FSTL4: variants seen among roughly 807,000 people sequenced by gnomAD.
FSTL4 encodes the protein follistatin like 4, also known as follistatin-related protein 4.
In FSTL4, 28 loss-of-function variants were observed where a neutral mutation model predicts 78.2. The ratio of observed to expected loss-of-function variants is 0.36; its 90% CI spans 0.27 to 0.49. The LOEUF is 0.49. Ranked by LOEUF, FSTL4 falls within the 20% of genes least tolerant of loss-of-function variation. The pLI is 0.98. For synonymous variants in FSTL4, 422 were observed against 440.5 expected, an observed-to-expected ratio of 0.96 and a Z score of 0.53; for missense variants, 922 against 1,084.9, an observed-to-expected ratio of 0.85 and a Z score of 2.11.
At position 133,440,511 on chromosome 5, in the gene FSTL4, A is replaced by C. The variant is rs1331392737; in HGVS notation, c.161-39525T>G. Among the ~76,000 whole-genome samples, 1 of 152,190 alleles carries C rather than the reference A, an allele frequency of 6.6e-6. No individual in the cohort carries two copies. Among genetic ancestry groups the C allele is most frequent in the Admixed American group, 6.5e-5 (1 of 15,280 alleles). On this transcript the variant is annotated intron_variant, in intron 3 of 15. Coordinates refer to ENST00000265342, the MANE Select transcript of FSTL4 (RefSeq NM_015082.2). This position sits in a 1 kb window ranked among gnomAD's most constrained non-coding sequence, Gnocchi z 4.1. ...AATGTCAGGCTTGAGCTGAGACTTT[A>C]AATTCAACTTCCTGGGAGAAGCAGT...
chr5:133,553,413 A>G (rs1205534325), intron 3 of FSTL4, among the ~76,000 whole-genome samples: 1 of 152,222 alleles, frequency 6.6e-6, no homozygotes, highest in Non-Finnish European at 1.5e-5. Flanking sequence ...GAGAGTCCTC[A>G]GGACAAGGGT....
At position 133,249,443 on chromosome 5, in the gene FSTL4, G is replaced by A. The variant is rs1428010598; in HGVS notation, c.861C>T (p.Leu287=). The A allele has an allele frequency of 1.9e-6, 3 of 1,614,044 alleles. No homozygotes were observed. The highest frequency in any genetic ancestry group is 2.2e-5 in the East Asian group (1 of 44,876). ...RPPIIWKRNG[L]TLNFLDLEDI... is the part of the protein sequence containing the mutation. Reference sequence around the variant, plus strand: ...CTTCCAAGTCCAGGAAGTTCAGGGTGAGCCCGTTGCGCTTCCAGATGATTG... The same window carrying A: ...CTTCCAAGTCCAGGAAGTTCAGGGTAAGCCCGTTGCGCTTCCAGATGATTG... The change falls in exon 7 of 16, where the codon CTC becomes CTT. Residue 287 remains leucine, a synonymous_variant. Coordinates refer to ENST00000265342, the MANE Select transcript of FSTL4 (RefSeq NM_015082.2).
At chr5:133,226,734 G>C (rs146611569) in intron 8 of FSTL4, among the ~76,000 whole-genome samples, 143 of 152,300 alleles carry the variant, frequency 9.4e-4, no homozygotes, top group African/African-American at 3.2e-3. Context: ...TCTTGAAGTG[G>C]ACAGCTACAT....
At chr5:133,390,585 T>C (rs1177029071) in intron 4 of FSTL4, among the ~76,000 whole-genome samples, 1 of 152,236 alleles carries the variant, frequency 6.6e-6, no homozygotes, top group Admixed American at 6.5e-5. Flanking sequence ...TTTCTGTAGT[T>C]CTGTCCCTCA....
the FSTL4 span, among the ~76,000 whole-genome samples, chr5:133,703,033 G>A: frequency 4.6e-5 from 7 of 152,206 alleles, no homozygotes; most frequent in Admixed American, 1.3e-4. Flanking sequence ...CAGGAGAGCC[G>A]TGTCACCTAC....
chr5:133,465,477 G>A (rs937707420), intron 3 of FSTL4, among the ~76,000 whole-genome samples: 1 of 152,152 alleles, frequency 6.6e-6, no homozygotes, highest in African/African-American at 2.4e-5. Context: ...CATATTCCAC[G>A]AAGCCCCAAG....
At chr5:133,220,905 G>T in intron 11 of FSTL4, 39 bp from the exon 12 acceptor site, 2 of 1,211,054 alleles carry the variant, frequency 1.7e-6, no homozygotes, top group South Asian at 1.2e-5. Flanking sequence ...CCTCCAAGCA[G>T]TCGGCCCCTG....
intron 2 of FSTL4, among the ~76,000 whole-genome samples, chr5:133,582,710 C>T (rs1004504143): frequency 1.3e-5 from 2 of 152,210 alleles, no homozygotes; most frequent in African/African-American, 4.8e-5. Flanking sequence ...GGCTCTTACC[C>T]ATGACTTTCT....
At chr5:133,240,907 C>G (rs1751849771) in intron 7 of FSTL4, among the ~76,000 whole-genome samples, 1 of 152,164 alleles carries the variant, frequency 6.6e-6, no homozygotes, top group African/African-American at 2.4e-5. Flanking sequence ...TCTCTAGGCT[C>G]TGGAATGTCA....
intron 3 of FSTL4, among the ~76,000 whole-genome samples, chr5:133,502,689 G>T (rs1015690034): frequency 1.3e-5 from 2 of 152,144 alleles, no homozygotes; most frequent in African/African-American, 4.8e-5. Context: ...TGTGAGACGT[G>T]CCTGCTTTTC....
At chr5:133,530,297 A>G (rs149037229) in intron 3 of FSTL4, among the ~76,000 whole-genome samples, 1 of 152,330 alleles carries the variant, frequency 6.6e-6, no homozygotes, top group African/African-American at 2.4e-5. Context: ...TAGCACCGTT[A>G]GGAGCCGCAG....
chr5:133,728,098 C>G, the FSTL4 span, among the ~76,000 whole-genome samples: 2 of 152,332 alleles, frequency 1.3e-5, no homozygotes, highest in East Asian at 3.9e-4. Context: ...AGATGGCATT[C>G]CAGCCTGTTT....
intron 7 of FSTL4, chr5:133,248,859 G>C (rs958481650): frequency 1.2e-5 from 2 of 160,532 alleles, no homozygotes. Context: ...GGCCTGACCT[G>C]GTTTCCCTCT....
intron 3 of FSTL4, among the ~76,000 whole-genome samples, chr5:133,457,353 T>C (rs919328658): frequency 3.3e-5 from 5 of 152,178 alleles, no homozygotes; most frequent in South Asian, 2.1e-4. Flanking sequence ...TGACATTTTA[T>C]AGATTTCAGC....
chr5:133,229,301 C>T (rs959355816), intron 8 of FSTL4, among the ~76,000 whole-genome samples: 7 of 152,046 alleles, frequency 4.6e-5, no homozygotes, highest in African/African-American at 1.7e-4. Context: ...GTGGGCGGAT[C>T]GCTCGAGTCC....
intron 3 of FSTL4, among the ~76,000 whole-genome samples, chr5:133,536,008 T>C (rs911162044): frequency 6.6e-6 from 1 of 152,182 alleles, no homozygotes; most frequent in Non-Finnish European, 1.5e-5. Flanking sequence ...TCTTTCGCTA[T>C]CACCAAGCAG....
At chr5:133,434,830 G>A (rs988629357) in intron 3 of FSTL4, among the ~76,000 whole-genome samples, 28 of 151,924 alleles carry the variant, frequency 1.8e-4, no homozygotes, top group African/African-American at 6.8e-4. Flanking sequence ...ATTGTTAACT[G>A]TTTTAATTTG....
At chr5:133,570,732 A>C (rs2112947411) in intron 2 of FSTL4, among the ~76,000 whole-genome samples, 1 of 152,338 alleles carries the variant, frequency 6.6e-6, no homozygotes, top group East Asian at 1.9e-4. Flanking sequence ...ATTAAAAAAA[A>C]GTTTTTGAAG....
chr5:133,694,311 A>G, the FSTL4 span, among the ~76,000 whole-genome samples: 52,439 of 152,072 alleles, frequency 0.34, 9,798 homozygotes, highest in African/African-American at 0.49. Context: ...GCCCAGATAT[A>G]CCCGAGGGCC....
Sources: allele counts gnomAD v4.1 joint callset (sites outside exome capture counted in the v4.1 genomes callset), GRCh38; gene constraint gnomAD v4.1.1; non-coding constraint Gnocchi (gnomAD v3.1); transcripts MANE v1.5; gene names NCBI Gene and HGNC (gene_info 2026-07-23, HGNC 2026-07-21).